Variants in EYA4 observed in about 807,000 individuals in gnomAD.
The protein encoded by EYA4 is EYA transcriptional coactivator and phosphatase 4.
A neutral mutation model predicts 87.9 loss-of-function variants in EYA4; 31 were observed. The observed-to-expected ratio is 0.35, with a 90% CI of 0.27 to 0.48. The LOEUF is 0.48. EYA4 is among the 20% of genes least tolerant of loss of function. The pLI, the probability that EYA4 is intolerant of heterozygous loss-of-function variation, is 0.99. For synonymous variants in EYA4, 263 were observed against 270.6 expected (o/e 0.97, Z 0.28); for missense variants, 678 against 761.4 (o/e 0.89, Z 1.29).
In EYA4 at chr6:133,531,094, G is replaced by A. The variant is rs916435576; in HGVS notation, c.*2289G>A. The A allele has an allele frequency of 1.4e-6, 2 of 1,459,646 alleles. No homozygotes were observed. Among genetic ancestry groups the A allele is most frequent in the African/African-American group, 1.4e-5 (1 of 70,620 alleles). 90.4% of individuals were successfully genotyped at this position (1,459,646 alleles called of 1,614,324 possible). On this transcript the variant is annotated 3_prime_UTR_variant, in exon 20 of 20. Transcript: ENST00000355286. ...TCAAACAAGCAAGGCTTTTTATGCT[G>A]CTAAGTCTGTGGGTGCAGAAAGAAA...
chr6:133,423,832 G>A (rs1005921037), intron 3 of EYA4, among the ~76,000 whole-genome samples: 26 of 152,194 alleles, frequency 1.7e-4, no homozygotes, highest in Non-Finnish European at 3.4e-4. Context: ...TCTTTGGGGT[G>A]TCAATTTTCT....
chr6:133,363,264 T>G (rs553983932), intron 2 of EYA4: 2 of 152,380 alleles, frequency 1.3e-5, no homozygotes, highest in Non-Finnish European at 2.9e-5. Context: ...ACAGAAGTGC[T>G]TCTTCCTTTG....
intron 2 of EYA4, among the ~76,000 whole-genome samples, chr6:133,310,840 C>T (rs910720011): frequency 2.6e-5 from 4 of 152,088 alleles, no homozygotes; most frequent in Non-Finnish European, 2.9e-5. Context: ...ACATGCCTAC[C>T]GTTAATTTCC....
At chr6:133,523,453 A>G (rs767097620) in intron 18 of EYA4, among the ~76,000 whole-genome samples, 3 of 151,446 alleles carry the variant, frequency 2.0e-5, no homozygotes, top group Non-Finnish European at 2.9e-5. Flanking sequence ...ACCTCTAGCC[A>G]TAGTATTTAA....
chr6:133,247,592 A>G (rs1008170476), intron 1 of EYA4: 8 of 152,216 alleles, frequency 5.3e-5, no homozygotes, highest in Non-Finnish European at 1.2e-4. Flanking sequence ...TTCTGTAGGT[A>G]AATACTTTTG....
At chr6:133,423,771 G>C (rs1583237485) in intron 3 of EYA4, among the ~76,000 whole-genome samples, 1 of 152,262 alleles carries the variant, frequency 6.6e-6, no homozygotes, top group Middle Eastern at 3.4e-3. Context: ...AACCCCAAAA[G>C]TTTGCTCCTG....
At chr6:133,352,108 T>C (rs1783687116) in intron 2 of EYA4, among the ~76,000 whole-genome samples, 1 of 152,244 alleles carries the variant, frequency 6.6e-6, no homozygotes, top group Non-Finnish European at 1.5e-5. Context: ...ACTTAATCTT[T>C]TTGAATGCTG....
intron 3 of EYA4, among the ~76,000 whole-genome samples, chr6:133,391,176 A>G (rs1279673797): frequency 6.6e-6 from 1 of 151,456 alleles, no homozygotes; most frequent in South Asian, 2.1e-4. Context: ...CAGTTGAAGC[A>G]GAAAAAGGAA....
chr6:133,507,482 C>T (rs1358766294), intron 14 of EYA4, among the ~76,000 whole-genome samples: 1 of 152,040 alleles, frequency 6.6e-6, no homozygotes, highest in Non-Finnish European at 1.5e-5. Flanking sequence ...CCCATCAACC[C>T]GTCATCTACA....
chr6:133,412,764 C>A (rs1789351875), intron 3 of EYA4, among the ~76,000 whole-genome samples: 1 of 152,304 alleles, frequency 6.6e-6, no homozygotes, highest in African/African-American at 2.4e-5. Flanking sequence ...AATCTTCCAA[C>A]AGTCTTAAGT....
intron 2 of EYA4, among the ~76,000 whole-genome samples, chr6:133,347,391 A>G (rs545372405): frequency 1.3e-5 from 2 of 152,232 alleles, no homozygotes; most frequent in East Asian, 3.9e-4. Flanking sequence ...AACTGCATTT[A>G]ACTCTTCTTT....
intron 3 of EYA4, among the ~76,000 whole-genome samples, chr6:133,411,036 A>G (rs1789184862): frequency 6.6e-6 from 1 of 151,224 alleles, no homozygotes; most frequent in South Asian, 2.1e-4. Context: ...TAATCAGAAG[A>G]CAGAGGGGGC....
rs956898168 is a variant in EYA4, at chr6:133,448,956, G to A, written c.277+777G>A. The stretch of plus-strand genomic sequence containing the variant: ...AATAGGCACAGTTTGCCTGGACCTT[G>A]CTCTATCTCTGATGAAATTAGAATA... On this transcript the variant is annotated intron_variant, in intron 5 of 19. Coordinates refer to ENST00000355286, the MANE Select transcript of EYA4 (RefSeq NM_004100.5). Among the ~76,000 whole-genome samples, 3 of 152,278 alleles carry A rather than the reference G, an allele frequency of 2.0e-5. No homozygotes were observed. In the East Asian group the frequency reaches 5.8e-4, roughly 29 times the overall value.
intron 2 of EYA4, among the ~76,000 whole-genome samples, chr6:133,370,073 G>A (rs1446568766): frequency 7.9e-5 from 12 of 152,290 alleles, no homozygotes; most frequent in Admixed American, 6.5e-5. Flanking sequence ...GAGCCCGAAG[G>A]TTCACGCCAG....
intron 18 of EYA4, among the ~76,000 whole-genome samples, chr6:133,524,588 G>A (rs771951119): frequency 9.9e-4 from 150 of 152,152 alleles, no homozygotes; most frequent in Non-Finnish European, 1.5e-3. Context: ...GAAAGGTGTT[G>A]TTTATCAAGA....
intron 11 of EYA4, among the ~76,000 whole-genome samples, chr6:133,469,917 G>A (rs372658583): frequency 4.6e-5 from 7 of 151,938 alleles, no homozygotes; most frequent in Admixed American, 1.3e-4. Flanking sequence ...CATGTCCTTC[G>A]CCCACTTTTT....
chr6:133,356,781 GTGTGTGTGTGTA>G (rs1323232570), intron 2 of EYA4, among the ~76,000 whole-genome samples: 6 of 126,236 alleles, frequency 4.8e-5, no homozygotes, highest in African/African-American at 1.5e-4. Context: ...GTGTGTGTGT[GTGTGTGTGTGTA>G]TATATATATT....
At chr6:133,403,302 G>A (rs1788420761) in intron 3 of EYA4, among the ~76,000 whole-genome samples, 1 of 152,172 alleles carries the variant, frequency 6.6e-6, no homozygotes. Flanking sequence ...CAGAAAAACA[G>A]GAATTGGCCT....
chr6:133,454,091 G>C (rs147438288), intron 5 of EYA4, among the ~76,000 whole-genome samples: 1 of 152,086 alleles, frequency 6.6e-6, no homozygotes, highest in Non-Finnish European at 1.5e-5. Flanking sequence ...TAATCTTCAT[G>C]TCTGGCTTCT....
Sources: allele counts gnomAD v4.1 joint callset (sites outside exome capture counted in the v4.1 genomes callset), GRCh38; gene constraint gnomAD v4.1.1; transcripts MANE v1.5; gene names NCBI Gene and HGNC (gene_info 2026-07-23, HGNC 2026-07-21).